The following PSD3 variants were observed in gnomAD, a reference collection of about 807,000 sequenced individuals.
PSD3 encodes pleckstrin and Sec7 domain containing 3.
A neutral mutation model predicts 105.5 loss-of-function variants in PSD3; 49 were observed. The ratio of observed to expected loss-of-function variants is 0.46; its 90% confidence interval spans 0.37 to 0.59. The LOEUF is 0.59. Ranked by LOEUF, PSD3 falls within the 20% of genes least tolerant of loss-of-function variation. The probability of loss-of-function intolerance (pLI) is 0.00; values close to 1 mark genes in which losing one functional copy is unlikely to be tolerated. For synonymous variants in PSD3, 557 were observed against 457.8 expected, an observed-to-expected ratio of 1.22 and a Z score of -2.77; for missense variants, 1,561 against 1,263.8, an observed-to-expected ratio of 1.24 and a Z score of -3.57.
intron 13 of PSD3, 85 bp downstream of exon 13, chr8:18,575,043 C>T: frequency 7.1e-7 from 1 of 1,405,654 alleles, no homozygotes; most frequent in Non-Finnish European, 9.4e-7. Flanking sequence ...AAAATTTCCC[C>T]TGCAGAGCTT....
intron 11 of PSD3, among the ~76,000 whole-genome samples, chr8:18,626,122 T>C (rs1806454574): frequency 6.6e-6 from 1 of 152,104 alleles, no homozygotes; most frequent in African/African-American, 2.4e-5. Flanking sequence ...CTAAGATAGG[T>C]ACAACAATTT....
At chr8:18,584,413 A>G (rs1803016114) in intron 12 of PSD3, among the ~76,000 whole-genome samples, 1 of 152,210 alleles carries the variant, frequency 6.6e-6, no homozygotes, top group Non-Finnish European at 1.5e-5. Flanking sequence ...GTTCATATTT[A>G]CTTAAGAAGA....
At chr8:18,981,554 G>C (rs1184060354) in intron 1 of PSD3, among the ~76,000 whole-genome samples, 1 of 152,192 alleles carries the variant, frequency 6.6e-6, no homozygotes, top group Non-Finnish European at 1.5e-5. Flanking sequence ...TTCCTGTTAA[G>C]ATTCTGTATA....
intron 1 of PSD3, among the ~76,000 whole-genome samples, chr8:18,989,044 T>C (rs80139294): frequency 6.6e-6 from 1 of 152,200 alleles, no homozygotes; most frequent in South Asian, 2.1e-4. Context: ...GTAGGTATTC[T>C]TTTTTCAGAC....
chr8:18,627,321 G>A lies in PSD3; in HGVS notation c.2410+5292C>T, dbSNP rs144588137. On this transcript the variant is annotated intron_variant, in intron 11 of 15. Transcript: ENST00000327040. ...TGAGAGGGCTAGAATTTGTAGAGCTGCGTAAAACAGAGGGGAGAGTTACAA... is the reference window on the plus strand; with the variant it reads ...TGAGAGGGCTAGAATTTGTAGAGCTACGTAAAACAGAGGGGAGAGTTACAA... Among the ~76,000 whole-genome samples the A allele has an allele frequency of 6.8e-3, 1,037 of 152,038 alleles. 13 individuals are homozygous for A. The highest frequency in any genetic ancestry group is 0.023 in the African/African-American group (967 of 41,494).
chr8:19,038,058 C>T (rs1408890801), intron 1 of PSD3, among the ~76,000 whole-genome samples: 1 of 151,954 alleles, frequency 6.6e-6, no homozygotes, highest in East Asian at 1.9e-4. Context: ...GACACCCTAA[C>T]TAATCCTTGA....
At chr8:18,686,115 G>C (rs1235763210) in intron 9 of PSD3, among the ~76,000 whole-genome samples, 1 of 152,118 alleles carries the variant, frequency 6.6e-6, no homozygotes, top group Admixed American at 6.5e-5. Flanking sequence ...GTCATTTCTG[G>C]GAGGTTTAGC....
chr8:18,869,689 C>A (rs1356171405), intron 3 of PSD3, among the ~76,000 whole-genome samples: 1 of 152,208 alleles, frequency 6.6e-6, no homozygotes, highest in Non-Finnish European at 1.5e-5. Flanking sequence ...AGTGTAATTT[C>A]CATTTCCACA....
At chr8:18,798,663 T>C (rs1290408167) in intron 8 of PSD3, among the ~76,000 whole-genome samples, 1 of 151,720 alleles carries the variant, frequency 6.6e-6, no homozygotes, top group African/African-American at 2.4e-5. Context: ...TAATCTATAC[T>C]TACTTAGAGC....
chr8:18,817,161 T>C (rs1338843910), intron 4 of PSD3, among the ~76,000 whole-genome samples: 1 of 152,178 alleles, frequency 6.6e-6, no homozygotes, highest in Non-Finnish European at 1.5e-5. Context: ...TTCAAAGTAG[T>C]CAATCACTTG....
chr8:18,708,125 G>C (rs1563187840), intron 9 of PSD3, among the ~76,000 whole-genome samples: 2 of 152,236 alleles, frequency 1.3e-5, no homozygotes, highest in Non-Finnish European at 2.9e-5. Context: ...AAAACAGACA[G>C]AGGAATCCTG....
intron 6 of PSD3, 119 bp downstream of exon 6, chr8:18,804,403 C>T (rs1811005639): frequency 1.2e-6 from 1 of 830,714 alleles, no homozygotes; most frequent in South Asian, 2.0e-5. Flanking sequence ...AAGGAATACT[C>T]CACCTATACA....
chr8:18,888,540 T>C (rs1271411521), intron 2 of PSD3, among the ~76,000 whole-genome samples: 1 of 151,616 alleles, frequency 6.6e-6, no homozygotes, highest in Admixed American at 6.6e-5. Context: ...GAACTGTACA[T>C]AGAAATACAT....
intron 9 of PSD3, among the ~76,000 whole-genome samples, chr8:18,740,340 C>T (rs1804469021): frequency 6.6e-6 from 1 of 152,202 alleles, no homozygotes; most frequent in South Asian, 2.1e-4. Flanking sequence ...CTCAACTGCA[C>T]CCTTTCTGTT....
intron 9 of PSD3, among the ~76,000 whole-genome samples, chr8:18,686,040 C>CA (rs1211166282): frequency 6.6e-6 from 1 of 151,900 alleles, no homozygotes; most frequent in East Asian, 1.9e-4. Flanking sequence ...AACAAACAAA[C>CA]AACAACAACA....
intron 1 of PSD3, among the ~76,000 whole-genome samples, chr8:19,079,942 T>A (rs553780003): frequency 3.5e-4 from 51 of 147,706 alleles, no homozygotes; most frequent in African/African-American, 1.2e-3. Flanking sequence ...CAGGTTGGAG[T>A]GCAGTGGTGC....
At chr8:18,996,390 A>G (rs926713014) in intron 1 of PSD3, among the ~76,000 whole-genome samples, 11 of 151,954 alleles carry the variant, frequency 7.2e-5, no homozygotes, top group African/African-American at 2.4e-4. Flanking sequence ...GTTGAACAAG[A>G]TGAGCAGACA....
At chr8:18,875,506 A>C (rs567948796) in intron 2 of PSD3, among the ~76,000 whole-genome samples, 9 of 151,920 alleles carry the variant, frequency 5.9e-5, no homozygotes, top group Non-Finnish European at 8.8e-5. Flanking sequence ...ATATTCACAA[A>C]ACTGTACAAC....
At chr8:18,917,338 G>A (rs1452858593) in intron 2 of PSD3, among the ~76,000 whole-genome samples, 5 of 152,078 alleles carry the variant, frequency 3.3e-5, no homozygotes, top group South Asian at 2.1e-4. Context: ...CTAGGCACAC[G>A]GCCGCTGAAT....
Sources: gnomAD v4.1 joint callset for allele counts (sites outside exome capture counted in the v4.1 genomes callset) on GRCh38, gnomAD v4.1.1 for gene constraint, MANE v1.5 for transcripts, NCBI Gene and HGNC (gene_info 2026-07-23, HGNC 2026-07-21) for gene names.